COG5: variants seen among roughly 807,000 people sequenced by gnomAD.
COG5 encodes the protein conserved oligomeric Golgi complex subunit 5.
A neutral mutation model predicts 110.4 loss-of-function variants in COG5; 86 were observed. The ratio of observed to expected loss-of-function variants is 0.78; its 90% CI spans 0.65 to 0.93. The LOEUF is 0.93. Ranked by LOEUF, COG5 falls within the 40% of genes least tolerant of loss-of-function variation. The probability of loss-of-function intolerance (pLI) is 0.00; values close to 1 mark genes in which losing one functional copy is unlikely to be tolerated. For missense variants in COG5, 1,077 were observed against 987.0 expected (o/e 1.09, Z -1.22); for synonymous variants, 360 against 334.6 (o/e 1.08, Z -0.83).
chr7:107,390,478 T>C (rs1443444037), intron 7 of COG5, among the ~76,000 whole-genome samples: 3 of 152,072 alleles, frequency 2.0e-5, no homozygotes, highest in Admixed American at 6.6e-5. Context: ...AAACATAATC[T>C]GTGTCACTTC....
At position 107,281,303 on chromosome 7, in the gene COG5, C is replaced by T; in HGVS notation, c.1572G>A (p.Gln524=). Residue 524 remains glutamine, a synonymous_variant, in exon 14 of 22, where the codon CAG becomes CAA. Coordinates refer to ENST00000297135, the MANE Select transcript of COG5 (RefSeq NM_006348.5). ...ACAGATAAAGGAAACCACTTACAAG[C>T]TGCTCTGATTTTACACTGTATAACT... The part of the protein sequence containing the change: ...TIQLYSVKSE[Q]LLSTQGDASQ... 6.2e-7 allele frequency: 1 copy of T among 1,605,442 alleles called. No homozygotes were observed. The highest frequency in any genetic ancestry group is 8.5e-7 in the Non-Finnish European group (1 of 1,172,394).
intron 6 of COG5, among the ~76,000 whole-genome samples, chr7:107,520,584 T>C (rs1300922217): frequency 6.6e-6 from 1 of 151,928 alleles, no homozygotes; most frequent in Non-Finnish European, 1.5e-5. Flanking sequence ...ACACAGCTAC[T>C]AAGGGAAGTG....
intron 10 of COG5, among the ~76,000 whole-genome samples, chr7:107,361,094 A>G (rs1259693507): frequency 1.3e-5 from 2 of 152,232 alleles, no homozygotes; most frequent in East Asian, 3.8e-4. Context: ...GAAATTACCT[A>G]TACCATAACA....
At chr7:107,264,373 A>AAGAAAATAT (rs139307026) in intron 14 of COG5, among the ~76,000 whole-genome samples, 2 of 151,454 alleles carry the variant, frequency 1.3e-5, no homozygotes, top group Non-Finnish European at 2.9e-5. Context: ...ACCCTTATGT[A>AAGAAAATAT]TGTAAGAAAT....
intron 6 of COG5, among the ~76,000 whole-genome samples, chr7:107,505,339 G>C (rs886590668): frequency 6.6e-6 from 1 of 152,186 alleles, no homozygotes; most frequent in African/African-American, 2.4e-5. Context: ...GGTCTTACCA[G>C]AGGGAGGGAC....
intron 6 of COG5, among the ~76,000 whole-genome samples, chr7:107,414,395 A>C (rs766420289): frequency 1.3e-5 from 2 of 152,148 alleles, no homozygotes; most frequent in Non-Finnish European, 2.9e-5. Flanking sequence ...TCATCTCCTT[A>C]GGAGAAAACT....
chr7:107,257,030 C>G (rs186016521), intron 15 of COG5, among the ~76,000 whole-genome samples: 3 of 152,000 alleles, frequency 2.0e-5, no homozygotes, highest in Non-Finnish European at 4.4e-5. Flanking sequence ...ATACTAAGAG[C>G]TAGGTTTCCT....
chr7:107,443,353 C>A (rs1794833431), intron 6 of COG5, among the ~76,000 whole-genome samples: 1 of 152,016 alleles, frequency 6.6e-6, no homozygotes, highest in African/African-American at 2.4e-5. Context: ...CCTAGGACTG[C>A]ATGGTTTGGG....
At chr7:107,243,112 C>G (rs1249750465) in intron 17 of COG5, among the ~76,000 whole-genome samples, 1 of 152,124 alleles carries the variant, frequency 6.6e-6, no homozygotes, top group Non-Finnish European at 1.5e-5. Flanking sequence ...AATAAGGACA[C>G]TACATAACGG....
intron 6 of COG5, among the ~76,000 whole-genome samples, chr7:107,505,095 G>A (rs1403316072): frequency 6.6e-6 from 1 of 152,182 alleles, no homozygotes; most frequent in Non-Finnish European, 1.5e-5. Flanking sequence ...TGAAATGGTA[G>A]AGGTCTCTTG....
At chr7:107,488,586 T>C (rs1797792571) in intron 6 of COG5, among the ~76,000 whole-genome samples, 1 of 152,198 alleles carries the variant, frequency 6.6e-6, no homozygotes, top group South Asian at 2.1e-4. Context: ...AGCTCACGCC[T>C]GTAATCCCAG....
intron 8 of COG5, among the ~76,000 whole-genome samples, chr7:107,366,509 A>C (rs1162154347): frequency 6.6e-6 from 1 of 152,166 alleles, no homozygotes; most frequent in Admixed American, 6.5e-5. Flanking sequence ...TTTAACACAC[A>C]TACACACACA....
At chr7:107,306,212 T>C (rs928553534) in intron 11 of COG5, among the ~76,000 whole-genome samples, 2 of 152,122 alleles carry the variant, frequency 1.3e-5, no homozygotes, top group African/African-American at 4.8e-5. Context: ...TAGAGTATTA[T>C]TGGAAAAAAA....
chr7:107,412,523 T>C lies in COG5; in HGVS notation c.648A>G (p.Leu216=), dbSNP rs1792379230. The change falls in exon 7 of 22, where the codon CTA becomes CTG. Residue 216 remains leucine, a synonymous_variant. Transcript: ENST00000297135. The part of the protein sequence containing the change: ...LEVENQAKRL[L]EQGLETQNPT... Reference sequence around the variant, plus strand: ...TTACCTGAGTCTCCAAACCCTGCTCTAGTAGGCGCTTAGCTTGATTTTCCA... The same window carrying C: ...TTACCTGAGTCTCCAAACCCTGCTCCAGTAGGCGCTTAGCTTGATTTTCCA... 3 of 1,613,142 alleles carry C rather than the reference T, an allele frequency of 1.9e-6. No homozygotes were observed. Among genetic ancestry groups the C allele is most frequent in the South Asian group, 1.1e-5 (1 of 91,076 alleles).
chr7:107,313,689 C>T (rs1018650768), intron 11 of COG5, among the ~76,000 whole-genome samples: 3 of 152,144 alleles, frequency 2.0e-5, no homozygotes, highest in Admixed American at 2.0e-4. Flanking sequence ...TTTCCATTAT[C>T]ACATATCCTC....
chr7:107,548,328 A>T lies in COG5; in HGVS notation c.297T>A (p.Val99=). The change falls in exon 4 of 22, where the codon GTT becomes GTA. Residue 99 remains valine, a synonymous_variant. Transcript: ENST00000297135. ...QATGIESLEG[V]LQMMQTRIGA... is the part of the protein sequence containing the mutation. ...CAATTCTCGTCTGCATCATCTGAAG[A>T]ACACCTAGGAAAACATAAGTTTACA... is the stretch of plus-strand genomic sequence containing the variant. 1 of 1,613,842 alleles carries T rather than the reference A, an allele frequency of 6.2e-7. No homozygotes were observed. Among genetic ancestry groups the T allele is most frequent in the Non-Finnish European group, 8.5e-7 (1 of 1,179,714 alleles).
intron 7 of COG5, among the ~76,000 whole-genome samples, chr7:107,400,182 C>T (rs1042953691): frequency 6.6e-6 from 1 of 151,810 alleles, no homozygotes; most frequent in Non-Finnish European, 1.5e-5. Context: ...AATAGGTGAA[C>T]GTATAAAGAT....
At chr7:107,510,261 A>C (rs979075876) in intron 6 of COG5, among the ~76,000 whole-genome samples, 6 of 152,112 alleles carry the variant, frequency 3.9e-5, no homozygotes, top group African/African-American at 7.2e-5. Flanking sequence ...GTCTCTGATA[A>C]AACAGACTTT....
intron 12 of COG5, among the ~76,000 whole-genome samples, chr7:107,297,880 ATCT>A (rs1806894617): frequency 6.6e-6 from 1 of 152,160 alleles, no homozygotes; most frequent in South Asian, 2.1e-4. Flanking sequence ...CAGCATGATC[ATCT>A]TCTAGCTTCT....
Sources: allele counts gnomAD v4.1 joint callset (sites outside exome capture counted in the v4.1 genomes callset), GRCh38; gene constraint gnomAD v4.1.1; transcripts MANE v1.5; gene names NCBI Gene and HGNC (gene_info 2026-07-23, HGNC 2026-07-21).